POSTN: variants seen among roughly 807,000 people sequenced by gnomAD.
POSTN encodes the protein periostin.
Under a neutral mutation model 104.5 loss-of-function variants are expected in POSTN, and 71 were observed. The ratio of observed to expected loss-of-function variants is 0.68; its 90% CI spans 0.56 to 0.83. POSTN has a LOEUF of 0.83. POSTN is among the 40% of genes least tolerant of loss of function. POSTN has a pLI of 0.00. For synonymous variants in POSTN, 355 were observed against 340.7 expected, an observed-to-expected ratio of 1.04 and a Z score of -0.46; for missense variants, 949 against 1,006.8, an observed-to-expected ratio of 0.94 and a Z score of 0.78.
rs1393216419 is a variant in POSTN at position 37,579,046 on chromosome 13, C to T, written c.1867G>A (p.Val623Ile). ...DIMTTNGVIHVVDKLLYPADT... is the reference protein window; with the variant it reads ...DIMTTNGVIHIVDKLLYPADT... ...GCTGGATAGAGGAGTTTATCTACAA[C>T]ATGAATTACACCATTTGTTGTCATG... The change falls in exon 14 of 23, where the codon GTT (valine) becomes ATT (isoleucine). Residue 623 changes from valine to isoleucine, a missense_variant. Val to Ile is a conservative substitution (Grantham distance 29). Coordinates refer to ENST00000379747, the MANE Select transcript of POSTN (RefSeq NM_006475.3). The T allele has an allele frequency of 2.8e-5, 45 of 1,613,204 alleles. No homozygotes were observed. Among genetic ancestry groups the T allele is most frequent in the Admixed American group, 5.0e-5 (3 of 59,968 alleles).
chr13:37,575,328 C>T (rs1159119872), intron 16 of POSTN, among the ~76,000 whole-genome samples: 3 of 149,576 alleles, frequency 2.0e-5, no homozygotes, highest in South Asian at 4.2e-4. Flanking sequence ...TGTCGTCTAC[C>T]TAAGTAAGAT....
In POSTN at chr13:37,563,260, G is replaced by T; in HGVS notation, c.*73C>A. The T allele has an allele frequency of 1.0e-6, 1 of 965,546 alleles. No individual in the cohort carries two copies. The highest frequency in any genetic ancestry group is 1.6e-6 in the Non-Finnish European group (1 of 635,714). 59.8% of individuals were successfully genotyped at this position (965,546 alleles called of 1,614,324 possible). ...ATGTTTCAGTTCCTGAAGTCAACTT[G>T]GCTCTCACAATTTTCTAAGGTCAGG... is the stretch of plus-strand genomic sequence containing the variant. On this transcript the variant is annotated 3_prime_UTR_variant, in exon 23 of 23. Transcript: ENST00000379747.
At chr13:37,570,733 C>G (rs1428633716) in intron 18 of POSTN, 64 bp from the exon 19 acceptor site, 3 of 992,638 alleles carry the variant, frequency 3.0e-6, no homozygotes, top group East Asian at 2.4e-5. Context: ...CATCCATAAG[C>G]TAGACATTGT....
At position 37,564,371 on chromosome 13, in the gene POSTN, A is replaced by G. The variant is rs548786297; in HGVS notation, c.2473+148T>C. 12 of 551,176 alleles carry G rather than the reference A, an allele frequency of 2.2e-5. No individual in the cohort carries two copies. The East Asian group carries it at 3.4e-4, about 16-fold the overall frequency. The allele number at this position is 551,176 out of a possible 1,614,324, so 34.1% of individuals were successfully genotyped here. A position where few individuals can be genotyped will look rare whatever the true frequency, so the allele number is the denominator to read the frequency against. On this transcript the variant is annotated intron_variant, in intron 22 of 22. Transcript: ENST00000379747. Reference sequence around the variant, plus strand: ...AGAAATTTATTTTCTGATTGTTATCAAAATTGTTTTCATCAAAACTGGCTA... The same window carrying G: ...AGAAATTTATTTTCTGATTGTTATCGAAATTGTTTTCATCAAAACTGGCTA...
In POSTN at chr13:37,579,314, G is replaced by C; in HGVS notation, c.1706C>G (p.Pro569Arg). The part of the protein sequence containing the change: ...LQNIILYHLT[P>R]GVFIGKGFEP... ...AAATCCTTTTCCAATGAAAACTCCT[G>C]GTGTCAGGTGATAAAGAATGATGTT... is the stretch of plus-strand genomic sequence containing the variant. Residue 569 changes from proline to arginine, a missense_variant, in exon 13 of 23, where the codon CCA (proline) becomes CGA (arginine). Pro to Arg is a moderately radical substitution (Grantham distance 103). Coordinates refer to ENST00000379747, the MANE Select transcript of POSTN (RefSeq NM_006475.3). 1 of 1,596,854 alleles carries C rather than the reference G, an allele frequency of 6.3e-7. No homozygotes were observed. The highest frequency in any genetic ancestry group is 8.6e-7 in the Non-Finnish European group (1 of 1,164,534).
intron 16 of POSTN, among the ~76,000 whole-genome samples, chr13:37,576,003 G>A (rs1447478461): frequency 6.6e-6 from 1 of 152,064 alleles, no homozygotes. Context: ...GGAATTTGAC[G>A]TTTTGGATGT....
chr13:37,582,031 A>G (rs1950604290), intron 10 of POSTN, among the ~76,000 whole-genome samples: 1 of 152,258 alleles, frequency 6.6e-6, no homozygotes. Context: ...GTGTAGGCAG[A>G]GAACAGAATT....
intron 4 of POSTN, among the ~76,000 whole-genome samples, chr13:37,589,623 A>G (rs1950866245): frequency 6.6e-6 from 1 of 152,196 alleles, no homozygotes. Flanking sequence ...AGAGGTGGTT[A>G]GAGATGCGGT....
chr13:37,577,946 A>T (rs987690497), intron 15 of POSTN, 148 bp from the exon 16 acceptor site: 52 of 1,401,732 alleles, frequency 3.7e-5, no homozygotes, highest in Non-Finnish European at 4.6e-5. Context: ...ATCATCTTCC[A>T]ATTCAATGCT....
chr13:37,590,559 G>C (rs1566033626), intron 3 of POSTN, 30 bp from the exon 4 acceptor site: 27 of 1,545,834 alleles, frequency 1.7e-5, no homozygotes, highest in Non-Finnish European at 2.1e-5. Flanking sequence ...AATCAGTACT[G>C]GGGATAATAT....
chr13:37,585,696 A>G (rs554950678), intron 7 of POSTN, among the ~76,000 whole-genome samples: 4 of 152,304 alleles, frequency 2.6e-5, no homozygotes, highest in African/African-American at 9.6e-5. Context: ...TGTAAAACCT[A>G]TCTGACAACA....
intron 5 of POSTN, among the ~76,000 whole-genome samples, 173 bp from the exon 6 acceptor site, chr13:37,587,101 G>T (rs1950769717): frequency 3.3e-5 from 5 of 152,030 alleles, no homozygotes. Flanking sequence ...ATCTAAAAAA[G>T]AAACTGTAAG....
At chr13:37,591,205 A>T (rs1443904847) in intron 3 of POSTN, among the ~76,000 whole-genome samples, 1 of 152,174 alleles carries the variant, frequency 6.6e-6, no homozygotes, top group Non-Finnish European at 1.5e-5. Flanking sequence ...AGTCAAAATG[A>T]ACAAGGTTAA....
chr13:37,576,928 T>C (rs1950426160), intron 16 of POSTN, among the ~76,000 whole-genome samples: 1 of 152,122 alleles, frequency 6.6e-6, no homozygotes, highest in Non-Finnish European at 1.5e-5. Flanking sequence ...AACTGGATGC[T>C]CATGGTATAA....
At position 37,563,376 on chromosome 13, in the gene POSTN, TAGAA is replaced by T; in HGVS notation, c.2474-10_2474-7del. The T allele has an allele frequency of 1.3e-6, 2 of 1,571,952 alleles. No individual in the cohort carries two copies. The highest frequency in any genetic ancestry group is 1.7e-6 in the Non-Finnish European group (2 of 1,148,800). ...CCTTAATCGTCTTCTAGATCCTAAT[TAGAA>T]AGAAAGGAGAATGTATAGACTGTAA... On this transcript the variant is annotated splice_polypyrimidine_tract_variant and splice_region_variant and intron_variant, in intron 22 of 22. Coordinates refer to ENST00000379747, the MANE Select transcript of POSTN (RefSeq NM_006475.3).
chr13:37,569,806 T>C lies in POSTN; in HGVS notation c.2285A>G (p.Tyr762Cys). 6.2e-7 allele frequency: 1 copy of C among 1,603,174 alleles called. No individual in the cohort carries two copies. The highest frequency in any genetic ancestry group is 8.5e-7 in the Non-Finnish European group (1 of 1,171,366). ...TCCACCTCCAGTAGAAATCCTAGTG[T>C]ATTTTATTTCAGGACCTATGAGAAG... Reference protein sequence around the residue: ...ERIITGPEIKYTRISTGGGET... With the variant: ...ERIITGPEIKCTRISTGGGET... Residue 762 changes from tyrosine (Y) to cysteine (C), a missense_variant, in exon 20 of 23, where the codon TAC becomes TGC. Transcript: ENST00000379747.
At chr13:37,570,926 G>A (rs1028057148) in intron 18 of POSTN, 1 of 376,368 alleles carries the variant, frequency 2.7e-6, no homozygotes. Context: ...TTTTCTGGAT[G>A]TGGAATAAAT....
chr13:37,590,510 A>C lies in POSTN; in HGVS notation c.303T>G (p.Val101=), dbSNP rs763586702. 11 of 1,612,236 alleles carry C rather than the reference A, an allele frequency of 6.8e-6. No homozygotes were observed. In the East Asian group the frequency reaches 2.5e-4, roughly 36 times the overall value. Residue 101 remains valine, a synonymous_variant, in exon 4 of 23, where the codon GTT becomes GTG. Transcript: ENST00000379747. The part of the protein sequence containing the change: ...GCPAVLPIDH[V]YGTLGIVGAT... ...CTCCCACGATGCCCAGAGTGCCATA[A>C]ACATGGTCAATGGGCAAAACTGAAA...
At chr13:37,583,250 A>G (rs2138296357) in intron 9 of POSTN, among the ~76,000 whole-genome samples, 1 of 152,104 alleles carries the variant, frequency 6.6e-6, no homozygotes, top group South Asian at 2.1e-4. Flanking sequence ...TCTTCATTTT[A>G]TTTATTTATA....
Sources: gnomAD v4.1 joint callset for allele counts (sites outside exome capture counted in the v4.1 genomes callset) on GRCh38, gnomAD v4.1.1 for gene constraint, MANE v1.5 for transcripts, NCBI Gene and HGNC (gene_info 2026-07-23, HGNC 2026-07-21) for gene names.